The following BACE1 variants were observed in gnomAD, a reference collection of about 807,000 sequenced individuals.
BACE1 encodes the protein APP beta-secretase.
A neutral mutation model predicts 54.0 loss-of-function variants in BACE1; 21 were observed. That is an observed-to-expected ratio of 0.39 (90% confidence interval 0.28 to 0.56). BACE1 has a LOEUF of 0.56. Among genes scored for constraint, BACE1 ranks in the 20% least tolerant of loss-of-function variants. BACE1 has a pLI of 0.63. For missense variants in BACE1, 511 were observed against 661.2 expected, an observed-to-expected ratio of 0.77 and a Z score of 2.49; for synonymous variants, 232 against 260.9, an observed-to-expected ratio of 0.89 and a Z score of 1.07.
In BACE1 at chr11:117,293,981, C is replaced by T. The variant is rs1221369580; in HGVS notation, c.595G>A (p.Asp199Asn). 6.2e-7 allele frequency: 1 copy of T among 1,613,710 alleles called. No individual in the cohort carries two copies. The highest frequency in any genetic ancestry group is 2.2e-5 in the East Asian group (1 of 44,802). ...RPDDSLEPFFDSLVKQTHVPN... is the reference protein window; with the variant it reads ...RPDDSLEPFFNSLVKQTHVPN... The stretch of plus-strand genomic sequence containing the variant: ...ACGTGGGTCTGCTTTACCAGAGAGT[C>T]AAAGAAAGGCTCCAGGGAGTCGTCA... The change falls in exon 4 of 9, where the codon GAC becomes AAC. Residue 199 changes from aspartate to asparagine, a missense_variant. By Grantham distance (23) the Asp-to-Asn change is conservative. Around this residue, in one of 2 missense-constraint regions of BACE1, gnomAD observed 407 missense variants for 565.7 expected, o/e 0.72. Transcript: ENST00000313005. This position sits in a 1 kb window ranked among gnomAD's most constrained non-coding sequence, Gnocchi z 4.1.
At chr11:117,290,307 T>C (rs1011075682) in intron 8 of BACE1, among the ~76,000 whole-genome samples, 181 bp downstream of exon 8, 1 of 152,210 alleles carries the variant, frequency 6.6e-6, no homozygotes, top group African/African-American at 2.4e-5. Context: ...GTGGTCATTA[T>C]GGCAGGCAGT....
chr11:117,302,583 C>T (rs1262664335), intron 1 of BACE1, among the ~76,000 whole-genome samples: 4 of 151,812 alleles, frequency 2.6e-5, no homozygotes, highest in Non-Finnish European at 4.4e-5. Context: ...GTTATATTTT[C>T]TTACTTAAAT....
Position 117,293,823 on chromosome 11 carries a change from C to G in BACE1, c.705+48G>C. 1.3e-6 allele frequency: 2 copies of G among 1,565,224 alleles called. No individual in the cohort carries two copies. Among genetic ancestry groups the G allele is most frequent in the Non-Finnish European group, 1.7e-6 (2 of 1,154,952 alleles). On this transcript the variant is annotated intron_variant, in intron 4 of 8. Coordinates refer to ENST00000313005, the MANE Select transcript of BACE1 (RefSeq NM_012104.6). This position sits in a 1 kb window ranked among gnomAD's most constrained non-coding sequence, Gnocchi z 4.1. ...TTCAGGAAGGGGAGAGGATGGCACC[C>G]ATCTCTCCCTCAATGCCAGGACCTC...
At position 117,287,197 on chromosome 11, in the gene BACE1, T is replaced by TG. The variant is rs2034285709; in HGVS notation, c.*2368dup. On this transcript the variant is annotated 3_prime_UTR_variant, in exon 9 of 9. Coordinates refer to ENST00000313005, the MANE Select transcript of BACE1 (RefSeq NM_012104.6). Reference sequence around the variant, plus strand: ...GATAAGTGTTTTGGAGAGTTGTGCATGGGAGCGAGCGCCTCAGTGTTACTC... The same window carrying TG: ...GATAAGTGTTTTGGAGAGTTGTGCATGGGGAGCGAGCGCCTCAGTGTTACTC... The TG allele has an allele frequency of 6.6e-6, 1 of 152,216 alleles. No homozygotes were observed. Among genetic ancestry groups the TG allele is most frequent in the African/African-American group, 2.4e-5 (1 of 41,434 alleles). The allele number at this position is 152,216 out of a possible 1,614,324, so 9.4% of individuals were successfully genotyped here.
At chr11:117,290,217 C>T (rs1370425294) in intron 8 of BACE1, among the ~76,000 whole-genome samples, 1 of 152,194 alleles carries the variant, frequency 6.6e-6, no homozygotes, top group Non-Finnish European at 1.5e-5. Context: ...CAGTCTGCTA[C>T]CCTTGCATCA....
chr11:117,293,324 C>T lies in BACE1; in HGVS notation c.706-136G>A. ...GGCTACCCTTTTCATCTTCCTGCTT[C>T]TAAACAAATCATACCCAAAGTGATT... is the stretch of plus-strand genomic sequence containing the variant. On this transcript the variant is annotated intron_variant, in intron 4 of 8. Transcript: ENST00000313005. This position sits in a 1 kb window ranked among gnomAD's most constrained non-coding sequence, Gnocchi z 4.1. 1.2e-6 allele frequency: 1 copy of T among 832,830 alleles called. No homozygotes were observed. The highest frequency in any genetic ancestry group is 1.8e-6 in the Non-Finnish European group (1 of 551,384). 51.6% of individuals were successfully genotyped at this position (832,830 alleles called of 1,614,324 possible). A position where few individuals can be genotyped will look rare whatever the true frequency, so the allele number is the denominator to read the frequency against.
At chr11:117,309,293 T>A (rs2034896902) in intron 1 of BACE1, among the ~76,000 whole-genome samples, 1 of 152,198 alleles carries the variant, frequency 6.6e-6, no homozygotes, top group Non-Finnish European at 1.5e-5. Flanking sequence ...CCTCTTCTCG[T>A]ATACCTACAA....
Position 117,291,773 on chromosome 11 carries a change from T to C in BACE1, c.881A>G (p.Asn294Ser). The stretch of plus-strand genomic sequence containing the variant: ...AAACACTTTCTTGGGCAAACGAAGG[T>C]TGGTGGTGCCACTGTCCACAATGCT... ...DKSIVDSGTT[N>S]LRLPKKVFEA... The change falls in exon 6 of 9, where the codon AAC becomes AGC. Residue 294 changes from asparagine to serine, a missense_variant. Around this residue, in one of 2 missense-constraint regions of BACE1, gnomAD observed 407 missense variants for 565.7 expected, o/e 0.72. Coordinates refer to ENST00000313005, the MANE Select transcript of BACE1 (RefSeq NM_012104.6). The C allele has an allele frequency of 6.2e-7, 1 of 1,613,482 alleles. No individual in the cohort carries two copies.
intron 5 of BACE1, 94 bp from the exon 6 acceptor site, chr11:117,291,907 G>A: frequency 1.2e-6 from 1 of 823,832 alleles, no homozygotes; most frequent in Non-Finnish European, 2.0e-6. Flanking sequence ...CAGCTGGGTT[G>A]GCATCTTGGC....
At chr11:117,297,599 G>GAC (rs1384115323) in intron 1 of BACE1, among the ~76,000 whole-genome samples, 1 of 151,902 alleles carries the variant, frequency 6.6e-6, no homozygotes, top group Non-Finnish European at 1.5e-5. Context: ...CAGCCTGGGC[G>GAC]ACAGAGACCC....
At chr11:117,309,579 C>G (rs1399945298) in intron 1 of BACE1, among the ~76,000 whole-genome samples, 1 of 152,212 alleles carries the variant, frequency 6.6e-6, no homozygotes, top group South Asian at 2.1e-4. Flanking sequence ...CAAAACCCTC[C>G]TTTTCCAGCA....
intron 1 of BACE1, among the ~76,000 whole-genome samples, chr11:117,307,228 C>T (rs2034850095): frequency 6.6e-6 from 1 of 152,186 alleles, no homozygotes; most frequent in Admixed American, 6.5e-5. Context: ...TCTCCCCTGC[C>T]CAGGCACCTG....
intron 1 of BACE1, among the ~76,000 whole-genome samples, chr11:117,299,868 T>A (rs1268149206): frequency 6.6e-6 from 1 of 152,148 alleles, no homozygotes; most frequent in Non-Finnish European, 1.5e-5. Flanking sequence ...ATTACAGGGC[T>A]CCCTGCTATC....
intron 1 of BACE1, among the ~76,000 whole-genome samples, chr11:117,309,820 T>C (rs1187029953): frequency 6.6e-6 from 1 of 152,258 alleles, no homozygotes. Context: ...GAATTGACTA[T>C]CACCAAATTT....
At chr11:117,299,950 G>A (rs564458157) in intron 1 of BACE1, among the ~76,000 whole-genome samples, 42 of 152,078 alleles carry the variant, frequency 2.8e-4, no homozygotes, top group African/African-American at 7.0e-4. Flanking sequence ...GGAACATCCG[G>A]CAAGTTCTAA....
rs866785912 is a variant in BACE1 at position 117,296,542 on chromosome 11, C to T, written c.350+331G>A. ...AGACACCGAGGGGATGTGGGGTTTT[C>T]GTCTCCCCATTCAGGCAGAGAAAAT... On this transcript the variant is annotated intron_variant, in intron 2 of 8. Coordinates refer to ENST00000313005, the MANE Select transcript of BACE1 (RefSeq NM_012104.6). Among the ~76,000 whole-genome samples the T allele has an allele frequency of 3.3e-5, 5 of 152,178 alleles. No individual in the cohort carries two copies. In the East Asian group the frequency reaches 7.7e-4, roughly 24 times the overall value.
At position 117,314,754 on chromosome 11, in the gene BACE1, TGGGGAGGGC is replaced by T. The variant is rs1419954340; in HGVS notation, c.261+772_261+780del. On this transcript the variant is annotated intron_variant, in intron 1 of 8. Coordinates refer to ENST00000313005, the MANE Select transcript of BACE1 (RefSeq NM_012104.6). ...GTACCTTGGAGATTGTCAGGAAGGATGGGGAGGGCATAACAGTGTTTTCTCTGTAACTCC... is the reference window on the plus strand; with the variant it reads ...GTACCTTGGAGATTGTCAGGAAGGATATAACAGTGTTTTCTCTGTAACTCC... 4 of 152,418 alleles carry T rather than the reference TGGGGAGGGC, an allele frequency of 2.6e-5. No individual in the cohort carries two copies. The East Asian group carries it at 7.7e-4, about 30-fold the overall frequency. 9.4% of individuals were successfully genotyped at this position (152,418 alleles called of 1,614,324 possible). A position where few individuals can be genotyped will look rare whatever the true frequency, so the allele number is the denominator to read the frequency against.
chr11:117,290,711 A>G lies in BACE1; in HGVS notation c.1093-52T>C, dbSNP rs760563868. The G allele has an allele frequency of 3.7e-6, 6 of 1,601,230 alleles. No individual in the cohort carries two copies. In the African/African-American group the frequency reaches 8.0e-5, roughly 21 times the overall value. On this transcript the variant is annotated intron_variant, in intron 7 of 8. Transcript: ENST00000313005. ...TGTCTTCCTCACTCTCCTTCACCCC[A>G]TCTCTGCCTTGTAGGCATCTATGCC...
chr11:117,295,031 T>C, intron 3 of BACE1, 100 bp downstream of exon 3: 1 of 1,227,030 alleles, frequency 8.1e-7, no homozygotes, highest in South Asian at 1.3e-5. Flanking sequence ...TTAAACTGAT[T>C]GTTGCCCTCC....
Sources: allele counts gnomAD v4.1 joint callset (sites outside exome capture counted in the v4.1 genomes callset), GRCh38; gene constraint gnomAD v4.1.1; regional missense constraint gnomAD v4.1.1; non-coding constraint Gnocchi (gnomAD v3.1); transcripts MANE v1.5; gene names NCBI Gene and HGNC (gene_info 2026-07-23, HGNC 2026-07-21).